The following FRS2 variants were observed in gnomAD, a reference collection of about 807,000 sequenced individuals.
The protein encoded by FRS2 is FGFR signalling adaptor.
FRS2 carries 8 observed loss-of-function variants against 43.9 expected under a neutral mutation model. The observed-to-expected ratio is 0.18, with a 90% confidence interval of 0.11 to 0.33. The LOEUF is 0.33. Ranked by LOEUF, FRS2 falls within the 10% of genes least tolerant of loss-of-function variation. FRS2 has a pLI of 1.00. For missense variants in FRS2, 534 were observed against 627.6 expected, an observed-to-expected ratio of 0.85 and a Z score of 1.59; for synonymous variants, 219 against 220.3, an observed-to-expected ratio of 0.99 and a Z score of 0.05.
Position 69,569,041 on chromosome 12 carries a change from G to A in FRS2, c.11G>A (p.Cys4Tyr). MGS[C>Y]CSCPDKDTVP... ...TCTTCTGAAGAAGCCATGGGTAGCT[G>A]TTGTAGCTGTCCAGATAAAGACACT... is the stretch of plus-strand genomic sequence containing the variant. Residue 4 changes from cysteine (C) to tyrosine (Y), a missense_variant, in exon 5 of 9, where the codon TGT (cysteine) becomes TAT (tyrosine). Physicochemically the swap from Cys to Tyr is radical, Grantham distance 194. Around this residue, in one of 3 missense-constraint regions of FRS2, gnomAD observed 76 missense variants for 90.5 expected, o/e 0.84. Transcript: ENST00000549921. 2 of 1,611,090 alleles carry A rather than the reference G, an allele frequency of 1.2e-6. No individual in the cohort carries two copies. Among genetic ancestry groups the A allele is most frequent in the Non-Finnish European group, 8.5e-7 (1 of 1,177,882 alleles).
intron 8 of FRS2, 108 bp downstream of exon 8, chr12:69,572,389 T>C: frequency 2.3e-6 from 2 of 870,514 alleles, no homozygotes; most frequent in Non-Finnish European, 3.6e-6. Context: ...TTTATCTGTT[T>C]GTAAATTACT....
chr12:69,568,097 C>G (rs900330877), intron 4 of FRS2, among the ~76,000 whole-genome samples: 4 of 152,046 alleles, frequency 2.6e-5, no homozygotes, highest in Non-Finnish European at 5.9e-5. Context: ...TTTTCTTTGT[C>G]TGCTCAGTTG....
chr12:69,518,029 A>T (rs1875231938), intron 1 of FRS2, among the ~76,000 whole-genome samples: 1 of 152,140 alleles, frequency 6.6e-6, no homozygotes, highest in Admixed American at 6.6e-5. Context: ...GGAATGAGGC[A>T]CAAGTTAGGG....
intron 1 of FRS2, among the ~76,000 whole-genome samples, chr12:69,516,043 A>T (rs549652719): frequency 8.5e-5 from 13 of 152,238 alleles, no homozygotes; most frequent in Non-Finnish European, 1.5e-4. Context: ...TGGAGTATTT[A>T]TTCGTAAACC....
rs1015179518 is a variant in FRS2, at chr12:69,575,448, G to C, written c.*493G>C. 1.3e-5 allele frequency: 2 copies of C among 154,008 alleles called. No individual in the cohort carries two copies. Among genetic ancestry groups the C allele is most frequent in the African/African-American group, 4.8e-5 (2 of 41,550 alleles). 9.5% of individuals were successfully genotyped at this position (154,008 alleles called of 1,614,324 possible). On this transcript the variant is annotated 3_prime_UTR_variant, in exon 9 of 9. Coordinates refer to ENST00000549921, the MANE Select transcript of FRS2 (RefSeq NM_001278356.2). ...ATTAATTAATGGCTTTTTGACTTGAGCCAAAACATATGTAAAGGAAACAGA... is the reference window on the plus strand; with the variant it reads ...ATTAATTAATGGCTTTTTGACTTGACCCAAAACATATGTAAAGGAAACAGA...
At chr12:69,497,583 G>T (rs1046343112) in intron 1 of FRS2, among the ~76,000 whole-genome samples, 1 of 152,094 alleles carries the variant, frequency 6.6e-6, no homozygotes, top group Non-Finnish European at 1.5e-5. Flanking sequence ...CGTTGTTTTG[G>T]GTACTAGGTT....
rs1881390273 is a variant in FRS2 at position 69,579,147 on chromosome 12, T to C, written c.*4192T>C. The C allele has an allele frequency of 6.6e-6, 1 of 152,666 alleles. No homozygotes were observed. Among genetic ancestry groups the C allele is most frequent in the South Asian group, 2.1e-4 (1 of 4,834 alleles). 9.5% of individuals were successfully genotyped at this position (152,666 alleles called of 1,614,324 possible). ...CCTATCAGTGCCAACTTCATACATT[T>C]TGTAGCATGGCAATAAAATATAACT... On this transcript the variant is annotated 3_prime_UTR_variant, in exon 9 of 9. Coordinates refer to ENST00000549921, the MANE Select transcript of FRS2 (RefSeq NM_001278356.2).
intron 1 of FRS2, among the ~76,000 whole-genome samples, chr12:69,497,732 A>G (rs1019218982): frequency 1.3e-5 from 2 of 152,228 alleles, no homozygotes; most frequent in African/African-American, 2.4e-5. Context: ...CAAGAGAGGG[A>G]AAAGCAAGTG....
At chr12:69,573,856 C>T (rs512853) in intron 8 of FRS2, 149 bp from the exon 9 acceptor site, 412,477 of 539,552 alleles carry the variant, frequency 0.76, 160,042 homozygotes, top group East Asian at 0.93. Context: ...AATAAAAAAA[C>T]AGGTGCAAAA....
chr12:69,478,945 T>C (rs1253371874), intron 1 of FRS2, among the ~76,000 whole-genome samples: 2 of 151,894 alleles, frequency 1.3e-5, no homozygotes, highest in Non-Finnish European at 2.9e-5. Flanking sequence ...TTTATATGAA[T>C]GTCTTTTTTT....
chr12:69,512,927 C>T (rs1327948653), intron 1 of FRS2, among the ~76,000 whole-genome samples: 1 of 152,132 alleles, frequency 6.6e-6, no homozygotes, highest in Non-Finnish European at 1.5e-5. Context: ...ATATGGTATT[C>T]AGTTAACTTC....
intron 1 of FRS2, among the ~76,000 whole-genome samples, chr12:69,493,877 T>A (rs1872667815): frequency 6.6e-6 from 1 of 152,204 alleles, no homozygotes; most frequent in Non-Finnish European, 1.5e-5. Flanking sequence ...GAAAATATGC[T>A]TTTTCCCTGA....
In FRS2 at chr12:69,564,018, C is replaced by T. The variant is rs1002665025; in HGVS notation, c.-27+1744C>T. Among the ~76,000 whole-genome samples, 3 of 152,142 alleles carry T rather than the reference C, an allele frequency of 2.0e-5. No individual in the cohort carries two copies. The South Asian group carries it at 6.2e-4, about 31-fold the overall frequency. ...ATTATAAGCCTGCATAAATCTATGT[C>T]ATCTTAAAATACGTAACTCAAGTAA... On this transcript the variant is annotated intron_variant, in intron 4 of 8. Coordinates refer to ENST00000549921, the MANE Select transcript of FRS2 (RefSeq NM_001278356.2).
At chr12:69,550,968 A>G (rs555791720) in intron 3 of FRS2, among the ~76,000 whole-genome samples, 4 of 152,226 alleles carry the variant, frequency 2.6e-5, no homozygotes, top group Non-Finnish European at 5.9e-5. Flanking sequence ...ACATTTTGAG[A>G]GTATGACGGA....
intron 3 of FRS2, among the ~76,000 whole-genome samples, chr12:69,551,192 C>T (rs1421760274): frequency 6.6e-6 from 1 of 152,114 alleles, no homozygotes; most frequent in Non-Finnish European, 1.5e-5. Flanking sequence ...CTCTACAAAA[C>T]ATTTAAAAAA....
chr12:69,523,028 C>T (rs1017643439), intron 1 of FRS2, among the ~76,000 whole-genome samples: 6 of 152,084 alleles, frequency 3.9e-5, no homozygotes, highest in African/African-American at 7.2e-5. Context: ...GAGTATGTGC[C>T]GTATGGCGAT....
intron 1 of FRS2, among the ~76,000 whole-genome samples, chr12:69,489,989 T>TA (rs901409741): frequency 1.3e-4 from 19 of 148,778 alleles, no homozygotes; most frequent in East Asian, 3.9e-4. Context: ...ATAGTTTGAT[T>TA]AAAAAAAAAA....
intron 3 of FRS2, among the ~76,000 whole-genome samples, chr12:69,558,488 C>A (rs571955300): frequency 6.6e-6 from 1 of 152,136 alleles, no homozygotes; most frequent in Non-Finnish European, 1.5e-5. Flanking sequence ...CCCATGAACA[C>A]CCTACATTCC....
At chr12:69,480,203 A>C (rs963502778) in intron 1 of FRS2, 1 of 152,214 alleles carries the variant, frequency 6.6e-6, no homozygotes, top group Non-Finnish European at 1.5e-5. Context: ...ATCATTGTGC[A>C]TCTGTCACCA....
Sources: allele counts gnomAD v4.1 joint callset (sites outside exome capture counted in the v4.1 genomes callset), GRCh38; gene constraint gnomAD v4.1.1; regional missense constraint gnomAD v4.1.1; transcripts MANE v1.5; gene names NCBI Gene and HGNC (gene_info 2026-07-23, HGNC 2026-07-21).